Variants in ATAD1 observed in about 807,000 individuals in gnomAD.
The protein encoded by ATAD1 is outer mitochondrial transmembrane helix translocase.
Under a neutral mutation model 42.7 loss-of-function variants are expected in ATAD1, and 18 were observed. The ratio of observed to expected loss-of-function variants is 0.42; its 90% CI spans 0.29 to 0.63. The LOEUF is 0.63. ATAD1 is among the 20% of genes least tolerant of loss of function. The probability of loss-of-function intolerance (pLI) is 0.19; values close to 1 mark genes in which losing one functional copy is unlikely to be tolerated. For synonymous variants in ATAD1, 132 were observed against 143.1 expected, an observed-to-expected ratio of 0.92 and a Z score of 0.55; for missense variants, 294 against 440.4, an observed-to-expected ratio of 0.67 and a Z score of 2.98.
chr10:87,777,783 T>C (rs1052597476), intron 5 of ATAD1, among the ~76,000 whole-genome samples: 7 of 152,186 alleles, frequency 4.6e-5, no homozygotes, highest in Admixed American at 3.9e-4. Context: ...TAATGTGCTA[T>C]GTCCACACTT....
At chr10:87,782,713 T>A (rs1024353153) in intron 5 of ATAD1, among the ~76,000 whole-genome samples, 2 of 152,082 alleles carry the variant, frequency 1.3e-5, no homozygotes, top group South Asian at 4.1e-4. Flanking sequence ...AAAAATAATA[T>A]AGCAGAAGTA....
intron 6 of ATAD1, among the ~76,000 whole-genome samples, chr10:87,772,717 T>C (rs1322980509): frequency 2.0e-5 from 3 of 152,154 alleles, no homozygotes; most frequent in African/African-American, 4.8e-5. Flanking sequence ...ACATGGCCTA[T>C]TGAGTATGTA....
chr10:87,785,375 AT>A (rs1017883919), intron 4 of ATAD1, among the ~76,000 whole-genome samples: 3 of 149,444 alleles, frequency 2.0e-5, no homozygotes, highest in African/African-American at 4.9e-5. Flanking sequence ...AATATTAAAT[AT>A]ATAATAATAC....
At chr10:87,781,337 G>A (rs1855550059) in intron 5 of ATAD1, among the ~76,000 whole-genome samples, 1 of 151,952 alleles carries the variant, frequency 6.6e-6, no homozygotes, top group Non-Finnish European at 1.5e-5. Flanking sequence ...ATTTTATAAA[G>A]AACCAAACAG....
Position 87,818,196 on chromosome 10 carries a change from C to T in ATAD1, c.-43G>A, listed in dbSNP as rs1034394533. On this transcript the variant is annotated 5_prime_UTR_variant, in exon 1 of 10. Transcript: ENST00000680024. The stretch of plus-strand genomic sequence containing the variant: ...GGGCAGAAACAGCAAGAGCAAGTGC[C>T]CTCAGCCGGCCTCACACAGGAAGGA... The T allele has an allele frequency of 1.0e-5, 10 of 985,660 alleles. No homozygotes were observed. Among genetic ancestry groups the T allele is most frequent in the Non-Finnish European group, 1.2e-5 (10 of 830,116 alleles). 61.1% of individuals were successfully genotyped at this position (985,660 alleles called of 1,614,324 possible). A position where few individuals can be genotyped will look rare whatever the true frequency, so the allele number is the denominator to read the frequency against.
intron 5 of ATAD1, among the ~76,000 whole-genome samples, chr10:87,782,337 A>G (rs565403595): frequency 5.3e-5 from 8 of 152,364 alleles, no homozygotes; most frequent in East Asian, 1.9e-4. Context: ...TGCTGAAAGA[A>G]CTTTGAAAGA....
intron 2 of ATAD1, among the ~76,000 whole-genome samples, chr10:87,807,352 A>T (rs150488850): frequency 1.8e-3 from 272 of 152,284 alleles, no homozygotes; most frequent in African/African-American, 6.3e-3. Context: ...CACATTTTCA[A>T]CTTTACTAGA....
intron 2 of ATAD1, among the ~76,000 whole-genome samples, chr10:87,798,831 G>T (rs890527162): frequency 7.9e-5 from 12 of 152,018 alleles, no homozygotes; most frequent in African/African-American, 2.9e-4. Context: ...CTATTTAGCT[G>T]ACAACTGCCT....
At chr10:87,806,931 A>G (rs536058696) in intron 2 of ATAD1, among the ~76,000 whole-genome samples, 2 of 152,294 alleles carry the variant, frequency 1.3e-5, no homozygotes, top group Non-Finnish European at 2.9e-5. Flanking sequence ...TTCATCTACC[A>G]TTAGTTTCCC....
intron 2 of ATAD1, among the ~76,000 whole-genome samples, chr10:87,798,320 C>T (rs1306721285): frequency 6.6e-6 from 1 of 152,102 alleles, no homozygotes; most frequent in African/African-American, 2.4e-5. Flanking sequence ...AGAATGATCC[C>T]CTTTCAAGCA....
Position 87,818,182 on chromosome 10 carries a change from G to A in ATAD1, c.-29C>T. The A allele has an allele frequency of 1.0e-6, 1 of 985,712 alleles. No individual in the cohort carries two copies. The highest frequency in any genetic ancestry group is 1.2e-6 in the Non-Finnish European group (1 of 830,124). 61.1% of individuals were successfully genotyped at this position (985,712 alleles called of 1,614,324 possible). A position where few individuals can be genotyped will look rare whatever the true frequency, so the allele number is the denominator to read the frequency against. On this transcript the variant is annotated 5_prime_UTR_variant, in exon 1 of 10. Coordinates refer to ENST00000680024, the MANE Select transcript of ATAD1 (RefSeq NM_001321967.2). Reference sequence around the variant, plus strand: ...AGCTACTCACCCAGGGGCAGAAACAGCAAGAGCAAGTGCCCTCAGCCGGCC... The same window carrying A: ...AGCTACTCACCCAGGGGCAGAAACAACAAGAGCAAGTGCCCTCAGCCGGCC...
chr10:87,782,989 A>G (rs969821628), intron 5 of ATAD1, among the ~76,000 whole-genome samples: 1 of 152,032 alleles, frequency 6.6e-6, no homozygotes, highest in Non-Finnish European at 1.5e-5. Context: ...AGCGTGAAAA[A>G]AAAAAAAAGA....
chr10:87,771,350 T>A (rs188039722), intron 6 of ATAD1, among the ~76,000 whole-genome samples: 1 of 152,182 alleles, frequency 6.6e-6, no homozygotes, highest in African/African-American at 2.4e-5. Context: ...TAAAAAACTA[T>A]TGTATTTTGC....
intron 8 of ATAD1, among the ~76,000 whole-genome samples, chr10:87,762,006 A>C (rs1733334295): frequency 6.6e-6 from 1 of 152,120 alleles, no homozygotes; most frequent in African/African-American, 2.4e-5. Context: ...TGACCTTCAG[A>C]AGTGCTAGGA....
At chr10:87,762,937 C>T (rs1283929288) in intron 8 of ATAD1, among the ~76,000 whole-genome samples, 3 of 145,774 alleles carry the variant, frequency 2.1e-5, no homozygotes, top group African/African-American at 5.0e-5. Context: ...ATATATAAGC[C>T]GGGTGTGGTG....
intron 7 of ATAD1, among the ~76,000 whole-genome samples, chr10:87,768,258 T>C (rs1169062196): frequency 6.6e-6 from 1 of 152,200 alleles, no homozygotes; most frequent in African/African-American, 2.4e-5. Flanking sequence ...TTTTACACCA[T>C]ACAATAAATA....
At chr10:87,756,056 T>C (rs1484186509) in intron 9 of ATAD1, among the ~76,000 whole-genome samples, 1 of 152,214 alleles carries the variant, frequency 6.6e-6, no homozygotes, top group East Asian at 1.9e-4. Context: ...TGCTGAAGTT[T>C]GCTATGGCAA....
intron 4 of ATAD1, among the ~76,000 whole-genome samples, chr10:87,786,752 C>T (rs1379959017): frequency 1.3e-5 from 2 of 152,042 alleles, no homozygotes; most frequent in Admixed American, 6.6e-5. Flanking sequence ...GTGAGGAGAT[C>T]GAGACCATCC....
At chr10:87,819,767 T>C (rs1857592985), upstream of ATAD1, among the ~76,000 whole-genome samples, 1 of 152,212 alleles carries the variant, frequency 6.6e-6, no homozygotes, top group Admixed American at 6.5e-5. Context: ...GTTTTCTCTT[T>C]GAGATGGTAA....
Sources: gnomAD v4.1 joint callset for allele counts (sites outside exome capture counted in the v4.1 genomes callset) on GRCh38, gnomAD v4.1.1 for gene constraint, MANE v1.5 for transcripts, NCBI Gene and HGNC (gene_info 2026-07-23, HGNC 2026-07-21) for gene names.